SUSD4: variants seen among roughly 807,000 people sequenced by gnomAD.
The protein encoded by SUSD4 is sushi domain containing 4, also known as sushi domain-containing protein 4.
SUSD4 carries 41 observed loss-of-function variants against 50.5 expected under a neutral mutation model. That is an observed-to-expected ratio of 0.81 (90% CI 0.63 to 1.05). The LOEUF is 1.05. Among genes scored for constraint, SUSD4 ranks in the 50% least tolerant of loss-of-function variants. The pLI is 0.00. For synonymous variants in SUSD4, 257 were observed against 257.3 expected, an observed-to-expected ratio of 1.00 and a Z score of 0.01; for missense variants, 580 against 634.7, an observed-to-expected ratio of 0.91 and a Z score of 0.93.
chr1:223,310,385 A>C (rs1665801839), intron 2 of SUSD4, among the ~76,000 whole-genome samples: 1 of 152,198 alleles, frequency 6.6e-6, no homozygotes, highest in South Asian at 2.1e-4. Flanking sequence ...CCTGTACATG[A>C]GGCACCTGAG....
At chr1:223,248,331 A>C (rs1031474907) in intron 5 of SUSD4, among the ~76,000 whole-genome samples, 3 of 152,188 alleles carry the variant, frequency 2.0e-5, no homozygotes, top group Non-Finnish European at 4.4e-5. Flanking sequence ...ACAGGAAGAC[A>C]GGGACTCTGC....
chr1:223,309,796 C>T lies in SUSD4; in HGVS notation c.149-17145G>A, dbSNP rs1474995545. Among the ~76,000 whole-genome samples the T allele has an allele frequency of 1.3e-5, 2 of 152,146 alleles. 1 individual carries two copies. On this transcript the variant is annotated intron_variant, in intron 2 of 8. Coordinates refer to ENST00000366878, the MANE Select transcript of SUSD4 (RefSeq NM_017982.4). The stretch of plus-strand genomic sequence containing the variant: ...GAAGACTAGTCTTTTTTAATAACAT[C>T]CTGACATATCTTTGACTAGCAGAGA...
chr1:223,244,815 G>A (rs1660812487), intron 5 of SUSD4, among the ~76,000 whole-genome samples: 2 of 152,300 alleles, frequency 1.3e-5, no homozygotes, highest in East Asian at 1.9e-4. Context: ...CTAAGCAACA[G>A]ACTGATTTCA....
In SUSD4 at chr1:223,304,855, T is replaced by C. The variant is rs1269311524; in HGVS notation, c.149-12204A>G. ...ATATATATATATATATATATATATA[T>C]ATGCTATGTGATTAATATTCAACCA... On this transcript the variant is annotated intron_variant, in intron 2 of 8. Coordinates refer to ENST00000366878, the MANE Select transcript of SUSD4 (RefSeq NM_017982.4). 3.5e-5 allele frequency among the ~76,000 whole-genome samples: 3 copies of C among 86,846 alleles called. No homozygotes were observed. In the Admixed American group the frequency reaches 4.1e-4, roughly 12 times the overall value. The allele number at this position is 86,846 out of a possible 152,430, so 57.0% of individuals were successfully genotyped here. A position where few individuals can be genotyped will look rare whatever the true frequency, so the allele number is the denominator to read the frequency against.
At chr1:223,272,096 A>G (rs973568281) in intron 3 of SUSD4, among the ~76,000 whole-genome samples, 3 of 152,216 alleles carry the variant, frequency 2.0e-5, no homozygotes, top group Non-Finnish European at 4.4e-5. Flanking sequence ...GCGTGGTGGC[A>G]CATGCCTATA....
chr1:223,252,955 G>C (rs1661435445), intron 5 of SUSD4, among the ~76,000 whole-genome samples: 1 of 152,080 alleles, frequency 6.6e-6, no homozygotes, highest in Admixed American at 6.5e-5. Flanking sequence ...AGCCAGGTAT[G>C]GCAGTGCAGC....
chr1:223,298,737 T>C (rs548183142), intron 2 of SUSD4, among the ~76,000 whole-genome samples: 24 of 152,314 alleles, frequency 1.6e-4, no homozygotes, highest in African/African-American at 5.3e-4. Context: ...CACTGATAAA[T>C]AAATGATGAG....
chr1:223,334,571 C>G (rs1476767337), intron 2 of SUSD4, among the ~76,000 whole-genome samples: 1 of 152,140 alleles, frequency 6.6e-6, no homozygotes, highest in African/African-American at 2.4e-5. Context: ...AAGAGAAAAT[C>G]TGGGGAGAGG....
chr1:223,252,012 T>G (rs937818244), intron 5 of SUSD4, among the ~76,000 whole-genome samples: 1 of 129,942 alleles, frequency 7.7e-6, no homozygotes, highest in African/African-American at 3.0e-5. Flanking sequence ...AGGTGGGAAT[T>G]GAACAATGAG....
chr1:223,280,853 C>A (rs1006713071), intron 3 of SUSD4, among the ~76,000 whole-genome samples: 2 of 152,182 alleles, frequency 1.3e-5, no homozygotes, highest in African/African-American at 4.8e-5. Context: ...CACTCCTCAG[C>A]AAATGTAAAA....
In SUSD4 at chr1:223,318,573, C is replaced by T. The variant is rs1323824757; in HGVS notation, c.149-25922G>A. ...TTCTAACTGGTGTGAGATGATATCT[C>T]ATAGTGGTTTTGATTTGCATTTCTC... On this transcript the variant is annotated intron_variant, in intron 2 of 8. Transcript: ENST00000366878. Among the ~76,000 whole-genome samples, 3 of 134,600 alleles carry T rather than the reference C, an allele frequency of 2.2e-5. No homozygotes were observed. The Admixed American group carries it at 2.4e-4, about 11-fold the overall frequency. The allele number at this position is 134,600 out of a possible 152,430, so 88.3% of individuals were successfully genotyped here.
intron 5 of SUSD4, among the ~76,000 whole-genome samples, chr1:223,232,534 A>AATGTC (rs1425869966): frequency 1.3e-5 from 2 of 152,222 alleles, no homozygotes; most frequent in Non-Finnish European, 2.9e-5. Context: ...AAGCACAGAA[A>AATGTC]ATGTCATGAA....
chr1:223,334,270 A>T (rs1399319682), intron 2 of SUSD4, among the ~76,000 whole-genome samples: 1 of 152,156 alleles, frequency 6.6e-6, no homozygotes, highest in Non-Finnish European at 1.5e-5. Context: ...TCAACAAAAA[A>T]ACCTGGAAAA....
chr1:223,220,974 C>A lies in SUSD4; in HGVS notation c.*1218G>T. The A allele has an allele frequency of 2.5e-6, 1 of 400,738 alleles. No homozygotes were observed. The highest frequency in any genetic ancestry group is 1.3e-4 in the South Asian group (1 of 7,908). The allele number at this position is 400,738 out of a possible 1,614,324, so 24.8% of individuals were successfully genotyped here. On this transcript the variant is annotated 3_prime_UTR_variant, in exon 9 of 9. Transcript: ENST00000366878. ...CTAAAACCAAGAGAAGGAAAGGAAT[C>A]AACTCCACAGATCAACATGTATTTG...
Position 223,227,867 on chromosome 1 carries a change from G to A in SUSD4, c.917-129C>T, listed in dbSNP as rs547827057. On this transcript the variant is annotated intron_variant, in intron 6 of 8. Coordinates refer to ENST00000366878, the MANE Select transcript of SUSD4 (RefSeq NM_017982.4). The surrounding 1 kb of genome is among the most constrained non-coding windows in gnomAD (Gnocchi z 4.5). ...GTGCAAGGTGCCTCTGACCCCCAGG[G>A]CTCGGCAGAGATACCATGTGCCCCT... 2.6e-5 allele frequency: 31 copies of A among 1,200,700 alleles called. No individual in the cohort carries two copies. In the South Asian group the frequency reaches 3.5e-4, roughly 13 times the overall value. 74.4% of individuals were successfully genotyped at this position (1,200,700 alleles called of 1,614,324 possible).
intron 3 of SUSD4, among the ~76,000 whole-genome samples, chr1:223,277,576 A>G (rs1663372085): frequency 6.6e-6 from 1 of 152,146 alleles, no homozygotes; most frequent in African/African-American, 2.4e-5. Flanking sequence ...CCCACTACCC[A>G]GAACAATTAA....
intron 2 of SUSD4, among the ~76,000 whole-genome samples, chr1:223,345,764 A>T (rs528049504): frequency 6.6e-6 from 1 of 152,278 alleles, no homozygotes; most frequent in South Asian, 2.1e-4. Flanking sequence ...TGACATCTCC[A>T]TTGCAGTTAA....
At chr1:223,300,142 G>A (rs1274384405) in intron 2 of SUSD4, among the ~76,000 whole-genome samples, 2 of 152,138 alleles carry the variant, frequency 1.3e-5, no homozygotes, top group Non-Finnish European at 2.9e-5. Context: ...CAGACCAGGG[G>A]CAGGGTCCTG....
intron 2 of SUSD4, among the ~76,000 whole-genome samples, chr1:223,316,863 T>C (rs772232707): frequency 2.0e-5 from 3 of 152,084 alleles, no homozygotes; most frequent in Non-Finnish European, 4.4e-5. Flanking sequence ...TAGGATCTGG[T>C]TGGCCAAAGA....
Sources: allele counts gnomAD v4.1 joint callset (sites outside exome capture counted in the v4.1 genomes callset), GRCh38; gene constraint gnomAD v4.1.1; non-coding constraint Gnocchi (gnomAD v3.1); transcripts MANE v1.5; gene names NCBI Gene and HGNC (gene_info 2026-07-23, HGNC 2026-07-21).